Variants in UBR3 observed in about 807,000 individuals in gnomAD.
UBR3 encodes ubiquitin protein ligase E3 component n-recognin 3.
A neutral mutation model predicts 243.2 loss-of-function variants in UBR3; 85 were observed. The ratio of observed to expected loss-of-function variants is 0.35; its 90% CI spans 0.29 to 0.42. The LOEUF is 0.42. Ranked by LOEUF, UBR3 falls within the 10% of genes least tolerant of loss-of-function variation. UBR3 has a pLI of 1.00. For synonymous variants in UBR3, 748 were observed against 799.8 expected (o/e 0.94, Z 1.09); for missense variants, 1,686 against 2,300.8 (o/e 0.73, Z 5.47).
chr2:170,005,829 A>G (rs1192636198), intron 27 of UBR3, among the ~76,000 whole-genome samples: 3 of 152,260 alleles, frequency 2.0e-5, no homozygotes, highest in African/African-American at 7.2e-5. Flanking sequence ...ATATCGAGGT[A>G]CCAAAGTCTT....
intron 29 of UBR3, among the ~76,000 whole-genome samples, chr2:170,012,880 G>A (rs1422250386): frequency 1.3e-5 from 2 of 152,074 alleles, no homozygotes; most frequent in African/African-American, 4.8e-5. Flanking sequence ...TGAATGGGGG[G>A]ATTGAGAGGA....
chr2:169,985,383 C>T (rs2105387266), intron 24 of UBR3, among the ~76,000 whole-genome samples: 2 of 152,066 alleles, frequency 1.3e-5, no homozygotes, highest in East Asian at 3.9e-4. Context: ...TGCCTGCCAC[C>T]ATGCCTGCCC....
intron 22 of UBR3, 70 bp from the exon 23 acceptor site, chr2:169,949,535 C>G (rs1456286567): frequency 7.6e-7 from 1 of 1,309,086 alleles, no homozygotes; most frequent in Non-Finnish European, 1.0e-6. Context: ...AAATATAGTA[C>G]TAATATGTTT....
chr2:169,981,430 C>T (rs2088725952), intron 24 of UBR3, among the ~76,000 whole-genome samples: 1 of 152,018 alleles, frequency 6.6e-6, no homozygotes, highest in Non-Finnish European at 1.5e-5. Context: ...TTAGACTAAT[C>T]ATGAGAAAAA....
chr2:169,946,451 A>G, intron 21 of UBR3, 59 bp downstream of exon 21: 1 of 876,188 alleles, frequency 1.1e-6, no homozygotes, highest in Non-Finnish European at 1.7e-6. Flanking sequence ...GGCTCCAACC[A>G]ATTGTTGCCA....
chr2:169,927,069 T>C, intron 16 of UBR3, 98 bp downstream of exon 16: 1 of 1,334,332 alleles, frequency 7.5e-7, no homozygotes, highest in Non-Finnish European at 1.0e-6. Flanking sequence ...AAGGAAAGGA[T>C]GTAGATAAAT....
At chr2:170,025,667 G>T (rs760351734) in intron 30 of UBR3, among the ~76,000 whole-genome samples, 15 of 152,126 alleles carry the variant, frequency 9.9e-5, no homozygotes, top group Non-Finnish European at 1.8e-4. Context: ...TGCTGAGTGA[G>T]CATTCTGTTG....
At chr2:169,862,946 C>G (rs1231526445) in intron 1 of UBR3, among the ~76,000 whole-genome samples, 1 of 152,136 alleles carries the variant, frequency 6.6e-6, no homozygotes, top group Non-Finnish European at 1.5e-5. Flanking sequence ...TAATGTGTAT[C>G]TGTATAATTT....
chr2:170,052,890 T>C (rs2091252455), intron 32 of UBR3, among the ~76,000 whole-genome samples: 1 of 152,220 alleles, frequency 6.6e-6, no homozygotes, highest in Non-Finnish European at 1.5e-5. Flanking sequence ...ATGATGAATA[T>C]GTTAGTTAAC....
chr2:169,901,373 C>T (rs1199201755), intron 8 of UBR3, among the ~76,000 whole-genome samples: 1 of 152,038 alleles, frequency 6.6e-6, no homozygotes, highest in Non-Finnish European at 1.5e-5. Flanking sequence ...TCTTTGGAAG[C>T]CTTCAAACTT....
rs533603886 is a variant in UBR3, at chr2:169,847,470, C to T, written c.545+19418C>T. On this transcript the variant is annotated intron_variant, in intron 1 of 38. Transcript: ENST00000272793. ...AGTATAGAAACCTTATAATAGTTTG[C>T]TTTTTAAATTTCCCTCTAAGCCTTT... is the stretch of plus-strand genomic sequence containing the variant. Among the ~76,000 whole-genome samples, 30 of 152,144 alleles carry T rather than the reference C, an allele frequency of 2.0e-4. No homozygotes were observed. In the South Asian group the frequency reaches 3.3e-3, roughly 17 times the overall value.
intron 29 of UBR3, among the ~76,000 whole-genome samples, chr2:170,012,222 T>C (rs2090106324): frequency 1.3e-5 from 2 of 152,152 alleles, no homozygotes; most frequent in Admixed American, 6.5e-5. Flanking sequence ...ACAATCCTTT[T>C]TTGGGGCTTG....
At chr2:169,968,982 ATTTG>A (rs2087956150) in intron 24 of UBR3, among the ~76,000 whole-genome samples, 2 of 152,064 alleles carry the variant, frequency 1.3e-5, no homozygotes, top group Admixed American at 6.6e-5. Flanking sequence ...CTGTTTGGCC[ATTTG>A]TATGTCTTTT....
rs538632120 is a variant in UBR3 at position 169,840,084 on chromosome 2, C to T, written c.545+12032C>T. On this transcript the variant is annotated intron_variant, in intron 1 of 38. Coordinates refer to ENST00000272793, the MANE Select transcript of UBR3 (RefSeq NM_172070.4). ...GGAGGGAGAGTTGTGTGTCTGTTCCCATACTTTTTTCTGCAGCTACAGGCA... is the reference window on the plus strand; with the variant it reads ...GGAGGGAGAGTTGTGTGTCTGTTCCTATACTTTTTTCTGCAGCTACAGGCA... 1.5e-3 allele frequency among the ~76,000 whole-genome samples: 234 copies of T among 152,212 alleles called. 1 individual carries two copies. The highest frequency in any genetic ancestry group is 3.4e-3 in the Middle Eastern group (1 of 294).
chr2:170,001,313 C>A lies in UBR3; in HGVS notation c.3928C>A (p.Leu1310Ile), dbSNP rs762094885. The A allele has an allele frequency of 6.2e-7, 1 of 1,610,520 alleles. No homozygotes were observed. Among genetic ancestry groups the A allele is most frequent in the South Asian group, 1.1e-5 (1 of 90,978 alleles). The part of the protein sequence containing the change: ...LQRYFKDSSC[L>I]LAVSIGWEGG... ...TCTTTTTATTTTGAAGAGTTCATGT[C>A]TCTTGGCAGTATCAATTGGCTGGGA... The change falls in exon 27 of 39, where the codon CTC becomes ATC. Residue 1310 changes from leucine to isoleucine, a missense_variant. Physicochemically the swap from Leu to Ile is conservative, Grantham distance 5. Around this residue, in one of 8 missense-constraint regions of UBR3, gnomAD observed 156 missense variants for 246.3 expected, o/e 0.63. Coordinates refer to ENST00000272793, the MANE Select transcript of UBR3 (RefSeq NM_172070.4).
chr2:170,044,828 G>A (rs2091045308), intron 32 of UBR3, among the ~76,000 whole-genome samples: 2 of 152,154 alleles, frequency 1.3e-5, no homozygotes, highest in African/African-American at 4.8e-5. Context: ...TCTAGTTTAA[G>A]GCAGCAGGAT....
At chr2:170,040,791 TTC>T in intron 31 of UBR3, 89 bp from the exon 32 acceptor site, 1 of 1,024,692 alleles carries the variant, frequency 9.8e-7, no homozygotes, top group Non-Finnish European at 1.4e-6. Flanking sequence ...AAGTTTTTAT[TTC>T]TGTTCCATAG....
chr2:170,078,409 A>C (rs938757654), intron 36 of UBR3: 8 of 228,112 alleles, frequency 3.5e-5, no homozygotes, highest in African/African-American at 1.9e-4. Context: ...TTTTAGGTGT[A>C]ATCATGAGAG....
intron 1 of UBR3, among the ~76,000 whole-genome samples, chr2:169,841,938 C>G (rs1403275719): frequency 2.0e-5 from 3 of 152,238 alleles, no homozygotes; most frequent in Non-Finnish European, 4.4e-5. Flanking sequence ...ACAGGACTGG[C>G]AGGCAGCTCC....
Sources: allele counts gnomAD v4.1 joint callset (sites outside exome capture counted in the v4.1 genomes callset), GRCh38; gene constraint gnomAD v4.1.1; regional missense constraint gnomAD v4.1.1; transcripts MANE v1.5; gene names NCBI Gene and HGNC (gene_info 2026-07-23, HGNC 2026-07-21).